Variants in NLGN1 observed in about 807,000 individuals in gnomAD.
The protein encoded by NLGN1 is neuroligin-1.
Under a neutral mutation model 65.5 loss-of-function variants are expected in NLGN1, and 12 were observed. The observed-to-expected ratio is 0.18, with a 90% CI of 0.12 to 0.30. NLGN1 has a LOEUF of 0.30. Among genes scored for constraint, NLGN1 ranks in the 10% least tolerant of loss-of-function variants. NLGN1 has a pLI of 1.00. For synonymous variants in NLGN1, 350 were observed against 359.5 expected, an observed-to-expected ratio of 0.97 and a Z score of 0.30; for missense variants, 750 against 1,007.1, an observed-to-expected ratio of 0.74 and a Z score of 3.46.
At chr3:173,705,976 G>C (rs1212288592) in intron 3 of NLGN1, among the ~76,000 whole-genome samples, 1 of 151,940 alleles carries the variant, frequency 6.6e-6, no homozygotes, top group African/African-American at 2.4e-5. Flanking sequence ...AAATTTAGTG[G>C]GGTTTGGGAA....
intron 2 of NLGN1, among the ~76,000 whole-genome samples, chr3:173,482,108 G>T (rs2148970575): frequency 6.6e-6 from 1 of 151,978 alleles, no homozygotes; most frequent in Middle Eastern, 3.4e-3. Flanking sequence ...GGTAATATTT[G>T]ATGATGTTCA....
At chr3:174,254,830 AAC>A (rs1400276386) in intron 4 of NLGN1, among the ~76,000 whole-genome samples, 3 of 152,196 alleles carry the variant, frequency 2.0e-5, no homozygotes. Context: ...AGTTTTTGTA[AAC>A]ACAGTGTAGT....
At chr3:174,146,835 TGGGATTACAGGCGTGAGCCACTGCGCC>T (rs1723375822) in intron 4 of NLGN1, among the ~76,000 whole-genome samples, 1 of 152,180 alleles carries the variant, frequency 6.6e-6, no homozygotes, top group Non-Finnish European at 1.5e-5. Flanking sequence ...GCCAAAGTGC[TGGGATTACAGGCGTGAGCCACTGCGCC>T]GGGCTGACAT....
intron 4 of NLGN1, among the ~76,000 whole-genome samples, chr3:174,131,567 C>T (rs1282233198): frequency 6.6e-6 from 1 of 151,996 alleles, no homozygotes; most frequent in Non-Finnish European, 1.5e-5. Flanking sequence ...AAGTAAGTCA[C>T]CCATTATGTT....
intron 4 of NLGN1, among the ~76,000 whole-genome samples, chr3:173,968,553 C>T (rs1167566668): frequency 6.6e-6 from 1 of 151,344 alleles, no homozygotes; most frequent in African/African-American, 2.4e-5. Flanking sequence ...GTGTGTTAAT[C>T]AGAAAAAAAA....
chr3:173,486,251 G>A (rs1240250698), intron 2 of NLGN1, among the ~76,000 whole-genome samples: 3 of 151,882 alleles, frequency 2.0e-5, no homozygotes, highest in Non-Finnish European at 4.4e-5. Context: ...TAGTAGAGAC[G>A]AGGTTTCACC....
chr3:173,742,723 C>G (rs1237058878), intron 3 of NLGN1, among the ~76,000 whole-genome samples: 1 of 151,904 alleles, frequency 6.6e-6, no homozygotes, highest in Non-Finnish European at 1.5e-5. Flanking sequence ...TTCTTTTTTA[C>G]TTTCGATTTG....
intron 4 of NLGN1, among the ~76,000 whole-genome samples, chr3:173,943,704 TC>T (rs1253779672): frequency 6.6e-6 from 1 of 152,156 alleles, no homozygotes. Context: ...CAAATTTTCT[TC>T]CCTGCCATTT....
intron 2 of NLGN1, among the ~76,000 whole-genome samples, chr3:173,591,056 G>A (rs761714337): frequency 1.3e-5 from 2 of 151,974 alleles, no homozygotes; most frequent in Non-Finnish European, 2.9e-5. Context: ...AAAATATAAC[G>A]GTTTGGGATT....
At chr3:173,926,574 C>A (rs1373139706) in intron 4 of NLGN1, among the ~76,000 whole-genome samples, 1 of 152,192 alleles carries the variant, frequency 6.6e-6, no homozygotes, top group African/African-American at 2.4e-5. Context: ...TATTCAAATT[C>A]TCTCCACTTT....
chr3:173,564,467 T>TA (rs1176458477), intron 2 of NLGN1, among the ~76,000 whole-genome samples: 1 of 152,242 alleles, frequency 6.6e-6, no homozygotes, highest in Admixed American at 6.5e-5. Context: ...CTTCATGGAT[T>TA]ACACTGCCAT....
chr3:173,586,944 G>A (rs1279913131), intron 2 of NLGN1, among the ~76,000 whole-genome samples: 2 of 152,210 alleles, frequency 1.3e-5, no homozygotes, highest in Non-Finnish European at 2.9e-5. Flanking sequence ...AAGACAGCTA[G>A]CAAATATCAT....
intron 4 of NLGN1, among the ~76,000 whole-genome samples, chr3:173,865,580 A>C (rs553253628): frequency 2.6e-5 from 4 of 152,146 alleles, no homozygotes; most frequent in Admixed American, 2.6e-4. Context: ...ATAGATTTTT[A>C]AAAAAACAAC....
chr3:173,619,095 G>C (rs576579059), intron 3 of NLGN1, among the ~76,000 whole-genome samples: 3 of 152,026 alleles, frequency 2.0e-5, no homozygotes, highest in African/African-American at 7.3e-5. Flanking sequence ...GAATTATTTA[G>C]CCAATCTTGT....
chr3:173,533,060 T>G (rs1004474890), intron 2 of NLGN1, among the ~76,000 whole-genome samples: 2 of 152,202 alleles, frequency 1.3e-5, no homozygotes, highest in Admixed American at 1.3e-4. Flanking sequence ...TTTCCTGTAG[T>G]TACTTAGAAA....
chr3:173,819,939 A>G (rs1719889224), intron 4 of NLGN1, among the ~76,000 whole-genome samples: 1 of 152,188 alleles, frequency 6.6e-6, no homozygotes, highest in African/African-American at 2.4e-5. Context: ...TGTATTAACC[A>G]TGTGCTTGCA....
intron 4 of NLGN1, among the ~76,000 whole-genome samples, chr3:173,940,387 C>A (rs571838058): frequency 1.1e-4 from 16 of 152,174 alleles, no homozygotes; most frequent in Non-Finnish European, 2.4e-4. Context: ...CCATGCCCGG[C>A]CTCAAATAGT....
chr3:173,888,379 G>T (rs1406450333), intron 4 of NLGN1, among the ~76,000 whole-genome samples: 1 of 151,832 alleles, frequency 6.6e-6, no homozygotes, highest in Non-Finnish European at 1.5e-5. Context: ...ATAATACCTA[G>T]TATAATATAA....
intron 4 of NLGN1, among the ~76,000 whole-genome samples, chr3:173,975,280 A>T (rs964275957): frequency 6.6e-6 from 1 of 151,976 alleles, no homozygotes; most frequent in Admixed American, 6.6e-5. Context: ...AGTAGTCTCA[A>T]CACTGGGGAT....
Sources: allele counts gnomAD v4.1 joint callset (sites outside exome capture counted in the v4.1 genomes callset), GRCh38; gene constraint gnomAD v4.1.1; transcripts MANE v1.5; gene names NCBI Gene and HGNC (gene_info 2026-07-23, HGNC 2026-07-21).